The following NCKAP5 variants were observed in gnomAD, a reference collection of about 807,000 sequenced individuals.
NCKAP5 encodes nck-associated protein 5.
NCKAP5 carries 92 observed loss-of-function variants against 167.0 expected under a neutral mutation model. That is an observed-to-expected ratio of 0.55 (90% CI 0.47 to 0.66). The LOEUF (loss-of-function observed/expected upper bound fraction) is 0.66. Among genes scored for constraint, NCKAP5 ranks in the 30% least tolerant of loss-of-function variants. The pLI is 0.00. For synonymous variants in NCKAP5, 891 were observed against 877.4 expected, an observed-to-expected ratio of 1.02 and a Z score of -0.27; for missense variants, 2,378 against 2,315.0, an observed-to-expected ratio of 1.03 and a Z score of -0.56.
intron 11 of NCKAP5, among the ~76,000 whole-genome samples, chr2:132,816,676 C>T (rs1393222195): frequency 5.3e-5 from 8 of 152,176 alleles, no homozygotes; most frequent in African/African-American, 1.9e-4. Context: ...GAACACTCCT[C>T]AGTTTTCCTG....
chr2:132,890,881 A>G (rs1294394428), intron 8 of NCKAP5, among the ~76,000 whole-genome samples: 5 of 152,186 alleles, frequency 3.3e-5, no homozygotes, highest in African/African-American at 7.2e-5. Flanking sequence ...GAAAATGTCA[A>G]TAAAGACATT....
intron 8 of NCKAP5, among the ~76,000 whole-genome samples, chr2:132,963,003 G>A (rs984480845): frequency 1.3e-5 from 2 of 150,616 alleles, no homozygotes; most frequent in Non-Finnish European, 3.0e-5. Flanking sequence ...TCGAAAGGAC[G>A]TAAGTGAACT....
At chr2:132,877,285 T>C (rs2148804446) in intron 9 of NCKAP5, among the ~76,000 whole-genome samples, 1 of 152,334 alleles carries the variant, frequency 6.6e-6, no homozygotes, top group South Asian at 2.1e-4. Context: ...GAATTGCAAA[T>C]ACCATTTTGC....
Position 133,112,116 on chromosome 2 carries a change from A to G in NCKAP5, c.341+17862T>C, listed in dbSNP as rs2081933974. 2.6e-5 allele frequency among the ~76,000 whole-genome samples: 4 copies of G among 152,298 alleles called. No homozygotes were observed. The South Asian group carries it at 8.3e-4, about 32-fold the overall frequency. ...TGAAACTTTACAATTGGAAAAATACACATCAGAAGTTCTTACTGGTCTTAT... is the reference window on the plus strand; with the variant it reads ...TGAAACTTTACAATTGGAAAAATACGCATCAGAAGTTCTTACTGGTCTTAT... On this transcript the variant is annotated intron_variant, in intron 6 of 19. Transcript: ENST00000409261.
At chr2:133,425,716 A>T (rs1014564839) in intron 3 of NCKAP5, among the ~76,000 whole-genome samples, 1 of 152,224 alleles carries the variant, frequency 6.6e-6, no homozygotes, top group Non-Finnish European at 1.5e-5. Flanking sequence ...TCTGAAACCA[A>T]ATTCTAAATA....
chr2:133,538,938 T>G (rs1558765946), intron 2 of NCKAP5, among the ~76,000 whole-genome samples: 8 of 132,932 alleles, frequency 6.0e-5, no homozygotes, highest in South Asian at 5.2e-4. Context: ...TGGGTTTTTT[T>G]TTTTTTTTTT....
At chr2:133,005,237 A>G (rs924803673) in intron 6 of NCKAP5, among the ~76,000 whole-genome samples, 2 of 152,186 alleles carry the variant, frequency 1.3e-5, no homozygotes, top group Non-Finnish European at 1.5e-5. Context: ...TGTCCATGAA[A>G]TCTTCAAAAT....
intron 6 of NCKAP5, among the ~76,000 whole-genome samples, chr2:133,099,740 T>C (rs2081445799): frequency 6.6e-6 from 1 of 152,210 alleles, no homozygotes; most frequent in Non-Finnish European, 1.5e-5. Flanking sequence ...ATCACAACTT[T>C]TTTCCTTAAC....
At chr2:132,934,515 T>C (rs1696692985) in intron 8 of NCKAP5, among the ~76,000 whole-genome samples, 1 of 151,984 alleles carries the variant, frequency 6.6e-6, no homozygotes, top group Non-Finnish European at 1.5e-5. Context: ...GAGGTTGCAG[T>C]GAGTAGAGAT....
rs1684102453 is a variant in NCKAP5 at position 132,791,934 on chromosome 2, C to T, written c.910-1729G>A. Among the ~76,000 whole-genome samples the T allele has an allele frequency of 2.0e-5, 3 of 152,202 alleles. 1 individual carries two copies. In the South Asian group the frequency reaches 6.2e-4, roughly 31 times the overall value. The stretch of plus-strand genomic sequence containing the variant: ...CCACTCATGTCCATGTGTATACCTC[C>T]TGTATAGATGTTGGGGTAAGATGAC... On this transcript the variant is annotated intron_variant, in intron 12 of 19. Transcript: ENST00000409261.
At chr2:132,733,615 GTATATTTATTACA>G (rs1691231797) in intron 16 of NCKAP5, among the ~76,000 whole-genome samples, 1 of 152,206 alleles carries the variant, frequency 6.6e-6, no homozygotes, top group South Asian at 2.1e-4. Context: ...AAAGTATTTA[GTATATTTATTACA>G]TATTAGTAGA....
intron 5 of NCKAP5, among the ~76,000 whole-genome samples, chr2:133,167,033 G>A (rs2084029125): frequency 6.6e-6 from 1 of 152,064 alleles, no homozygotes; most frequent in Non-Finnish European, 1.5e-5. Context: ...TGTGACTCCA[G>A]CAACTTTCAG....
At chr2:132,826,506 A>C (rs1687134552) in intron 11 of NCKAP5, among the ~76,000 whole-genome samples, 1 of 152,180 alleles carries the variant, frequency 6.6e-6, no homozygotes, top group Admixed American at 6.5e-5. Context: ...ACCTGACAAC[A>C]CCAAATTATA....
At chr2:133,054,607 C>A (rs1471495238) in intron 6 of NCKAP5, among the ~76,000 whole-genome samples, 1 of 152,074 alleles carries the variant, frequency 6.6e-6, no homozygotes, top group Non-Finnish European at 1.5e-5. Context: ...ACAACTAGGC[C>A]AAGGAATTTG....
intron 3 of NCKAP5, among the ~76,000 whole-genome samples, chr2:133,315,642 A>T (rs1574679430): frequency 6.6e-6 from 1 of 152,246 alleles, no homozygotes; most frequent in East Asian, 1.9e-4. Context: ...GAAAAAAAAA[A>T]AAGTAAATGA....
At chr2:132,960,952 C>T (rs1481344596) in intron 8 of NCKAP5, among the ~76,000 whole-genome samples, 1 of 152,150 alleles carries the variant, frequency 6.6e-6, no homozygotes, top group Non-Finnish European at 1.5e-5. Context: ...TGATGGGGTG[C>T]TGGTGGTATA....
the NCKAP5 span, among the ~76,000 whole-genome samples, chr2:133,625,825 T>C: frequency 6.9e-6 from 1 of 144,844 alleles, no homozygotes; most frequent in East Asian, 2.0e-4. Flanking sequence ...TGAGCCGAGA[T>C]GGCGCCACTG....
intron 3 of NCKAP5, among the ~76,000 whole-genome samples, chr2:133,396,170 C>T (rs1040840097): frequency 1.4e-4 from 21 of 151,988 alleles, no homozygotes; most frequent in Non-Finnish European, 1.0e-4. Context: ...GTTCAATGAA[C>T]GTTGTCCATT....
At chr2:132,944,455 A>T (rs1697541012) in intron 8 of NCKAP5, among the ~76,000 whole-genome samples, 1 of 152,224 alleles carries the variant, frequency 6.6e-6, no homozygotes, top group African/African-American at 2.4e-5. Flanking sequence ...TCCTTCCAAC[A>T]ACCGTGTTAG....
Sources: allele counts gnomAD v4.1 joint callset (sites outside exome capture counted in the v4.1 genomes callset), GRCh38; gene constraint gnomAD v4.1.1; transcripts MANE v1.5; gene names NCBI Gene and HGNC (gene_info 2026-07-23, HGNC 2026-07-21).